GSE1: variants seen among roughly 807,000 people sequenced by gnomAD.
The protein encoded by GSE1 is genetic suppressor element 1.
In GSE1, 32 loss-of-function variants were observed where a neutral mutation model predicts 112.6. That is an observed-to-expected ratio of 0.28 (90% CI 0.21 to 0.38). GSE1 has a LOEUF of 0.38. GSE1 is among the 10% of genes least tolerant of loss of function. The pLI is 1.00. For missense variants in GSE1, 2,348 were observed against 1,699.2 expected (o/e 1.38, Z -6.71); for synonymous variants, 1,115 against 735.6 (o/e 1.52, Z -8.35).
chr16:85,533,739 C>A (rs2151189484), intron 2 of GSE1, among the ~76,000 whole-genome samples: 1 of 152,136 alleles, frequency 6.6e-6, no homozygotes. Context: ...GTGGCACGTA[C>A]CTGTGATCCC....
Position 85,656,579 on chromosome 16 carries a change from T to G in GSE1, c.1226T>G (p.Leu409Arg). ...GCCAAGGCCCTGGAGCCCAGCTTCC[T>G]GCCCGTGGCCGAGCTGCATGGGCTG... is the stretch of plus-strand genomic sequence containing the variant. The part of the protein sequence containing the change: ...LAAKALEPSF[L>R]PVAELHGLRG... The change falls in exon 7 of 16, where the codon CTG (leucine) becomes CGG (arginine). Residue 409 changes from leucine to arginine, a missense_variant. By Grantham distance (102) the Leu-to-Arg change is moderately radical (BLOSUM62 -2). Coordinates refer to ENST00000253458, the MANE Select transcript of GSE1 (RefSeq NM_014615.5). 6.5e-7 allele frequency: 1 copy of G among 1,547,554 alleles called. No homozygotes were observed. The highest frequency in any genetic ancestry group is 8.7e-7 in the Non-Finnish European group (1 of 1,145,820).
chr16:85,354,309 G>A (rs2046907542), intron 1 of GSE1, among the ~76,000 whole-genome samples: 1 of 152,196 alleles, frequency 6.6e-6, no homozygotes, highest in African/African-American at 2.4e-5. Context: ...CAGTTATTGT[G>A]TGAGCTCAGA....
chr16:85,510,123 C>A (rs898004817), intron 2 of GSE1, among the ~76,000 whole-genome samples: 1 of 152,196 alleles, frequency 6.6e-6, no homozygotes, highest in African/African-American at 2.4e-5. Context: ...CCCTGGAGCC[C>A]TCAGGGCTCC....
chr16:85,530,335 C>T lies in GSE1; in HGVS notation c.2465-103579C>T, dbSNP rs145868271. Among the ~76,000 whole-genome samples, 87 of 152,306 alleles carry T rather than the reference C, an allele frequency of 5.7e-4. No homozygotes were observed. In the East Asian group the frequency reaches 0.013, roughly 23 times the overall value. On this transcript the variant is annotated intron_variant, in intron 2 of 2. Transcript: ENST00000637419. ...GCCAGAGGCAGAGGGAGCAAGGGCG[C>T]GAATGTATCTCCTCCCCGGTGATGC...
rs531238277 is a variant in GSE1 at position 85,652,230 on chromosome 16, G to T, written c.427-2048G>T. ...GTCCTCTGAGCAGGTGCCGTGACGG[G>T]CACATGCCATTGATGTGTGCACGAG... On this transcript the variant is annotated intron_variant, in intron 3 of 15. Transcript: ENST00000253458. Among the ~76,000 whole-genome samples the T allele has an allele frequency of 7.5e-4, 115 of 152,364 alleles. No homozygotes were observed. In the South Asian group the frequency reaches 0.023, roughly 31 times the overall value.
In GSE1 at chr16:85,459,360, C is replaced by T. The variant is rs115881196; in HGVS notation, c.2464+101717C>T. On this transcript the variant is annotated intron_variant, in intron 2 of 2. Coordinates refer to the GSE1 transcript ENST00000637419. ...GCTTCAGGCAGACCCATCCCGTGCC[C>T]AGCTGGTTGTTGAAGAGTAGAGTGA... Among the ~76,000 whole-genome samples the T allele has an allele frequency of 6.1e-3, 930 of 152,312 alleles. 8 individuals are homozygous for T. Among genetic ancestry groups the T allele is most frequent in the African/African-American group, 0.021 (879 of 41,556 alleles).
upstream of GSE1, chr16:85,555,894 C>T (rs1215209042): frequency 2.7e-5 from 21 of 788,638 alleles, no homozygotes; most frequent in Admixed American, 8.3e-4. Context: ...CCTCACCTCC[C>T]CCCTTTATTT....
At chr16:85,488,179 C>A (rs1356978253) in intron 2 of GSE1, among the ~76,000 whole-genome samples, 1 of 152,172 alleles carries the variant, frequency 6.6e-6, no homozygotes, top group African/African-American at 2.4e-5. Context: ...TGTCCTTCCT[C>A]CCAGGGGACA....
intron 2 of GSE1, among the ~76,000 whole-genome samples, chr16:85,636,086 G>T (rs955609146): frequency 6.6e-6 from 1 of 152,248 alleles, no homozygotes; most frequent in Non-Finnish European, 1.5e-5. Flanking sequence ...CGCCCCTGGC[G>T]GGAGGCCAGA....
At chr16:85,653,800 C>T (rs755628797) in intron 3 of GSE1, among the ~76,000 whole-genome samples, 1 of 152,226 alleles carries the variant, frequency 6.6e-6, no homozygotes, top group Non-Finnish European at 1.5e-5. Flanking sequence ...GCCAGGACAT[C>T]TGCGGCCAGG....
chr16:85,265,129 G>C (rs1488173584), intron 1 of GSE1, among the ~76,000 whole-genome samples: 1 of 152,198 alleles, frequency 6.6e-6, no homozygotes, highest in South Asian at 2.1e-4. Flanking sequence ...TGGTGAGTTG[G>C]GAGAGTTGCA....
At chr16:85,418,699 G>C (rs2048758902) in intron 2 of GSE1, among the ~76,000 whole-genome samples, 1 of 152,168 alleles carries the variant, frequency 6.6e-6, no homozygotes, top group African/African-American at 2.4e-5. Flanking sequence ...TACTGATGCA[G>C]GATCCCCCTG....
At chr16:85,259,315 G>T (rs1005015443) in intron 1 of GSE1, among the ~76,000 whole-genome samples, 2 of 151,786 alleles carry the variant, frequency 1.3e-5, no homozygotes, top group Non-Finnish European at 2.9e-5. Context: ...GGCCCACCCT[G>T]TGCTCCACCC....
chr16:85,564,656 C>T (rs751305322), intron 1 of GSE1, among the ~76,000 whole-genome samples: 10 of 152,144 alleles, frequency 6.6e-5, no homozygotes, highest in Non-Finnish European at 1.3e-4. Context: ...AGGGGTGGGG[C>T]TCTGAAGCCT....
At chr16:85,550,542 TC>T (rs1195487670) in intron 2 of GSE1, among the ~76,000 whole-genome samples, 1 of 151,516 alleles carries the variant, frequency 6.6e-6, no homozygotes. Context: ...CCCCTCCCTT[TC>T]CTGGAATTTG....
chr16:85,189,978 A>C (rs2074788460), intron 1 of GSE1, among the ~76,000 whole-genome samples: 1 of 152,176 alleles, frequency 6.6e-6, no homozygotes, highest in South Asian at 2.1e-4. Context: ...TTTTTGAACC[A>C]GTTTTTTGGG....
At chr16:85,271,085 C>T (rs1190225488) in intron 1 of GSE1, among the ~76,000 whole-genome samples, 7 of 152,236 alleles carry the variant, frequency 4.6e-5, no homozygotes. Context: ...CCCACCTGGC[C>T]TCAGGGAGGC....
chr16:85,305,124 G>T (rs1272838281), intron 1 of GSE1, among the ~76,000 whole-genome samples: 3 of 152,220 alleles, frequency 2.0e-5, no homozygotes, highest in Non-Finnish European at 4.4e-5. Context: ...CCCTAGGCAA[G>T]CAGCTCCCTG....
At chr16:85,464,368 A>G (rs1034404466) in intron 2 of GSE1, among the ~76,000 whole-genome samples, 2 of 152,058 alleles carry the variant, frequency 1.3e-5, no homozygotes, top group African/African-American at 4.8e-5. Context: ...CTTAGAGAAA[A>G]GGGGAGGCTT....
Sources: allele counts gnomAD v4.1 joint callset (sites outside exome capture counted in the v4.1 genomes callset), GRCh38; gene constraint gnomAD v4.1.1; transcripts MANE v1.5; gene names NCBI Gene and HGNC (gene_info 2026-07-23, HGNC 2026-07-21).